Variants in ECPAS observed in about 807,000 individuals in gnomAD.
The protein encoded by ECPAS is Ecm29 proteasome adaptor and scaffold, also known as proteasome adapter and scaffold protein ECM29.
ECPAS carries 70 observed loss-of-function variants against 255.1 expected under a neutral mutation model. That is an observed-to-expected ratio of 0.27 (90% CI 0.23 to 0.33). ECPAS has a LOEUF of 0.33. Among genes scored for constraint, ECPAS ranks in the 10% least tolerant of loss-of-function variants. The pLI, the probability that ECPAS is intolerant of heterozygous loss-of-function variation, is 1.00. For missense variants in ECPAS, 1,817 were observed against 2,206.4 expected, an observed-to-expected ratio of 0.82 and a Z score of 3.54; for synonymous variants, 784 against 775.0, an observed-to-expected ratio of 1.01 and a Z score of -0.19.
chr9:111,398,006 G>T (rs1457070142), intron 24 of ECPAS, among the ~76,000 whole-genome samples: 1 of 152,172 alleles, frequency 6.6e-6, no homozygotes, highest in Admixed American at 6.5e-5. Context: ...TAACTACCTA[G>T]ACCTGCATTT....
At chr9:111,450,146 C>T (rs754576942) in intron 3 of ECPAS, among the ~76,000 whole-genome samples, 18 of 152,254 alleles carry the variant, frequency 1.2e-4, no homozygotes, top group South Asian at 4.1e-4. Context: ...ATCACCATAT[C>T]CCCAAGACCT....
intron 48 of ECPAS, chr9:111,365,772 A>G (rs552846205): frequency 6.5e-6 from 1 of 153,750 alleles, no homozygotes; most frequent in Non-Finnish European, 1.4e-5. Flanking sequence ...TTTACTACCT[A>G]AAGTTGACAA....
intron 2 of ECPAS, among the ~76,000 whole-genome samples, chr9:111,462,445 G>A (rs978376013): frequency 6.6e-6 from 1 of 152,144 alleles, no homozygotes; most frequent in Non-Finnish European, 1.5e-5. Context: ...GGAAGTAGGA[G>A]ATACTAAAAA....
chr9:111,447,285 T>C (rs949394489), intron 3 of ECPAS, among the ~76,000 whole-genome samples: 1 of 152,060 alleles, frequency 6.6e-6, no homozygotes, highest in Non-Finnish European at 1.5e-5. Flanking sequence ...CTACCATGCA[T>C]GGTTTTTTTC....
At chr9:111,451,397 A>G (rs1366982719) in intron 3 of ECPAS, 28 bp downstream of exon 3, 3 of 1,550,044 alleles carry the variant, frequency 1.9e-6, no homozygotes, top group Admixed American at 4.0e-5. Context: ...TCATCATTTA[A>G]TTCCCCCAGC....
intron 1 of ECPAS, chr9:111,483,563 G>A (rs1298396074): frequency 2.2e-6 from 2 of 919,590 alleles, no homozygotes; most frequent in African/African-American, 1.8e-5. Flanking sequence ...GGGAGGGAAC[G>A]AGGGAGGGGC....
chr9:111,375,719 T>TC (rs1334466384), intron 37 of ECPAS, among the ~76,000 whole-genome samples: 2 of 152,148 alleles, frequency 1.3e-5, no homozygotes, highest in Non-Finnish European at 2.9e-5. Flanking sequence ...AATTTTTATT[T>TC]CCCCCCAATA....
chr9:111,417,811 T>C (rs2098206511), intron 17 of ECPAS, 72 bp downstream of exon 17: 3 of 1,365,530 alleles, frequency 2.2e-6, no homozygotes, highest in Non-Finnish European at 2.9e-6. Context: ...ATTACATTTT[T>C]CACTTTAAAG....
At chr9:111,466,823 T>C (rs2098280201) in intron 2 of ECPAS, among the ~76,000 whole-genome samples, 1 of 152,188 alleles carries the variant, frequency 6.6e-6, no homozygotes, top group African/African-American at 2.4e-5. Flanking sequence ...TTTGTAGAGA[T>C]GAGGTCATCC....
intron 8 of ECPAS, among the ~76,000 whole-genome samples, 172 bp downstream of exon 8, chr9:111,433,057 CTCTG>C (rs1229126587): frequency 6.6e-6 from 1 of 152,196 alleles, no homozygotes; most frequent in Non-Finnish European, 1.5e-5. Flanking sequence ...AGATTTTCTT[CTCTG>C]TCTTACACAG....
intron 24 of ECPAS, among the ~76,000 whole-genome samples, chr9:111,397,911 T>A (rs919739348): frequency 6.6e-6 from 1 of 152,196 alleles, no homozygotes; most frequent in South Asian, 2.1e-4. Flanking sequence ...ATTAGAAAAT[T>A]CTATATAGTA....
Position 111,484,234 on chromosome 9 carries a change from G to T in ECPAS, c.-201C>A. 6.8e-7 allele frequency: 1 copy of T among 1,478,668 alleles called. No individual in the cohort carries two copies. The highest frequency in any genetic ancestry group is 1.4e-5 in the South Asian group (1 of 72,796). 91.6% of individuals were successfully genotyped at this position (1,478,668 alleles called of 1,614,324 possible). A position where few individuals can be genotyped will look rare whatever the true frequency, so the allele number is the denominator to read the frequency against. On this transcript the variant is annotated 5_prime_UTR_variant, in exon 1 of 50. Transcript: ENST00000684092. The stretch of plus-strand genomic sequence containing the variant: ...GGAGCCGCGCGCCGCAGTCCGTGAG[G>T]GGCTGGGCCGAGCGGGCCCGGGCTG...
chr9:111,474,911 G>A (rs1014406003), intron 1 of ECPAS, among the ~76,000 whole-genome samples: 1 of 152,118 alleles, frequency 6.6e-6, no homozygotes, highest in Non-Finnish European at 1.5e-5. Context: ...CCACACAGCT[G>A]ATCCCCTTTC....
At chr9:111,439,807 T>C (rs1006152362) in intron 6 of ECPAS, among the ~76,000 whole-genome samples, 2 of 151,738 alleles carry the variant, frequency 1.3e-5, no homozygotes, top group African/African-American at 2.4e-5. Flanking sequence ...GTAGAGAGAT[T>C]TGAAGAAGTG....
chr9:111,398,739 C>A (rs1261624975), intron 24 of ECPAS, among the ~76,000 whole-genome samples: 1 of 152,092 alleles, frequency 6.6e-6, no homozygotes, highest in Non-Finnish European at 1.5e-5. Flanking sequence ...GAGTTTAAGA[C>A]CAGCCTGGCC....
chr9:111,443,939 A>G (rs1404472325), intron 4 of ECPAS, among the ~76,000 whole-genome samples: 1 of 152,244 alleles, frequency 6.6e-6, no homozygotes, highest in African/African-American at 2.4e-5. Flanking sequence ...TTCTGAATAT[A>G]CACATCAAAA....
chr9:111,450,823 G>T (rs1023434454), intron 3 of ECPAS, among the ~76,000 whole-genome samples: 1 of 152,182 alleles, frequency 6.6e-6, no homozygotes, highest in Non-Finnish European at 1.5e-5. Flanking sequence ...AGCTACTTGG[G>T]AGGGTGAGGT....
chr9:111,401,670 C>T (rs182942464), intron 24 of ECPAS, among the ~76,000 whole-genome samples: 53 of 152,294 alleles, frequency 3.5e-4, no homozygotes, highest in African/African-American at 8.4e-4. Context: ...ATAAGACAGA[C>T]GCTCCCAGAG....
chr9:111,433,975 T>C (rs2098233914), intron 7 of ECPAS, among the ~76,000 whole-genome samples: 1 of 152,226 alleles, frequency 6.6e-6, no homozygotes, highest in African/African-American at 2.4e-5. Flanking sequence ...TGAAACAGAC[T>C]AGAGAGATTC....
Sources: gnomAD v4.1 joint callset for allele counts (sites outside exome capture counted in the v4.1 genomes callset) on GRCh38, gnomAD v4.1.1 for gene constraint, MANE v1.5 for transcripts, NCBI Gene and HGNC (gene_info 2026-07-23, HGNC 2026-07-21) for gene names.